TRIM65: variants seen among roughly 807,000 people sequenced by gnomAD.
TRIM65 encodes the protein E3 ubiquitin-protein ligase TRIM65.
Under a neutral mutation model 36.1 loss-of-function variants are expected in TRIM65, and 46 were observed. That is an observed-to-expected ratio of 1.27 (90% CI 1.01 to 1.63). The LOEUF is 1.63. Among genes scored for constraint, TRIM65 ranks in the 40% most tolerant of loss-of-function variants. The pLI, the probability that TRIM65 is intolerant of heterozygous loss-of-function variation, is 0.00. For missense variants in TRIM65, 708 were observed against 696.6 expected (o/e 1.02, Z -0.18); for synonymous variants, 346 against 313.6 (o/e 1.10, Z -1.09).
rs146962670 is a variant in TRIM65 at position 75,890,873 on chromosome 17, G to C, written c.1460C>G (p.Pro487Arg). 4.7e-4 allele frequency: 714 copies of C among 1,529,966 alleles called. 2 individuals carry two copies. The African/African-American group carries it at 8.0e-3, about 17-fold the overall frequency. The allele number at this position is 1,529,966 out of a possible 1,614,324, so 94.8% of individuals were successfully genotyped here. ...FHALFNQPLTPVFWLLEGRTL... is the reference protein window; with the variant it reads ...FHALFNQPLTRVFWLLEGRTL... Reference sequence around the variant, plus strand: ...CCTACCCTCGAGGAGCCAGAAGACGGGGGTGAGGGGCTGGTTGAAGAGGGC... The same window carrying C: ...CCTACCCTCGAGGAGCCAGAAGACGCGGGTGAGGGGCTGGTTGAAGAGGGC... The change falls in exon 6 of 6, where the codon CCC becomes CGC. Residue 487 changes from proline to arginine, a missense_variant. Pro to Arg is a moderately radical substitution (Grantham distance 103). Transcript: ENST00000269383.
Position 75,882,311 on chromosome 17 carries a change from G to A in TRIM65, c.350-1682C>T, listed in dbSNP as rs1382828150. On this transcript the variant is annotated intron_variant, in intron 4 of 4. Coordinates refer to the TRIM65 transcript ENST00000591668. ...CAACCTCCACCTTCTGGGTTCAAGC[G>A]ATTCTCCTGCTTCAGCCTCCCCAGT... 5.3e-5 allele frequency among the ~76,000 whole-genome samples: 8 copies of A among 150,376 alleles called. 1 individual carries two copies. Among genetic ancestry groups the A allele is most frequent in the African/African-American group, 1.0e-4 (4 of 39,772 alleles).
downstream of TRIM65, among the ~76,000 whole-genome samples, chr17:75,884,212 C>A (rs1381842005): frequency 2.0e-5 from 3 of 152,118 alleles, no homozygotes; most frequent in East Asian, 5.8e-4. Context: ...AATCCCAGCA[C>A]TTTGGGAGGC....
At position 75,896,542 on chromosome 17, in the gene TRIM65, G is replaced by T; in HGVS notation, c.396C>A (p.Ala132=). The T allele has an allele frequency of 7.4e-7, 1 of 1,351,564 alleles. No individual in the cohort carries two copies. The allele number at this position is 1,351,564 out of a possible 1,614,324, so 83.7% of individuals were successfully genotyped here. A position where few individuals can be genotyped will look rare whatever the true frequency, so the allele number is the denominator to read the frequency against. Residue 132 remains alanine, a synonymous_variant, in exon 1 of 6, where the codon GCC becomes GCA. Transcript: ENST00000269383. ...CRLHERALLD[A]ERLKREAQLR... is the part of the protein sequence containing the mutation. ...GCGTCACCTCGCGCTTGAGGCGCTCGGCATCCAGCAGCGCCCGCTCGTGGA... is the reference window on the plus strand; with the variant it reads ...GCGTCACCTCGCGCTTGAGGCGCTCTGCATCCAGCAGCGCCCGCTCGTGGA...
At chr17:75,887,894 G>A (rs1261932358), downstream of TRIM65, among the ~76,000 whole-genome samples, 3 of 152,114 alleles carry the variant, frequency 2.0e-5, no homozygotes, top group African/African-American at 7.2e-5. Context: ...GGTGGCTCAC[G>A]CCTGTAATCC....
chr17:75,892,029 C>T lies in TRIM65; in HGVS notation c.901G>A (p.Val301Met), dbSNP rs1391452504. The T allele has an allele frequency of 2.6e-6, 4 of 1,550,584 alleles. No individual in the cohort carries two copies. The highest frequency in any genetic ancestry group is 2.4e-5 in the East Asian group (1 of 40,928). The change falls in exon 4 of 6, where the codon GTG becomes ATG. Residue 301 changes from valine (V) to methionine (M), a missense_variant. Transcript: ENST00000269383. ...GTCTTACCCACGGGGGCTAAGTCCACAGGCTTGGCTGGTGCCCCAGGGTGG... is the reference window on the plus strand; with the variant it reads ...GTCTTACCCACGGGGGCTAAGTCCATAGGCTTGGCTGGTGCCCCAGGGTGG... Reference protein sequence around the residue: ...GSHPGAPAKPVDLAPVEAPGP... With the variant: ...GSHPGAPAKPMDLAPVEAPGP...
rs759913644 is a variant in TRIM65, at chr17:75,892,873, A to T, written c.415-23T>A. 1.9e-6 allele frequency: 3 copies of T among 1,595,110 alleles called. No homozygotes were observed. The South Asian group carries it at 3.3e-5, about 18-fold the overall frequency. On this transcript the variant is annotated intron_variant, in intron 1 of 5. Transcript: ENST00000269383. ...GGCCTGTGGTGCGGGCCCACGGGAC[A>T]AGCAACAAGAGAAGGCCAGGATTGG... is the stretch of plus-strand genomic sequence containing the variant.
At chr17:75,893,217 TCAGGAG>T (rs1599461572) in intron 1 of TRIM65, among the ~76,000 whole-genome samples, 1 of 152,284 alleles carries the variant, frequency 6.6e-6, no homozygotes, top group East Asian at 1.9e-4. Context: ...TAATGCTGGC[TCAGGAG>T]GCCTCGCAGG....
chr17:75,889,636 G>C lies in TRIM65; in HGVS notation c.*1143C>G, dbSNP rs1477180344. On this transcript the variant is annotated 3_prime_UTR_variant, in exon 6 of 6. Transcript: ENST00000269383. Reference sequence around the variant, plus strand: ...CTGCCAGTGTCACGTGCTGCTTAGTGACAGGGTTGAGGGGCCTTAGTCGGC... The same window carrying C: ...CTGCCAGTGTCACGTGCTGCTTAGTCACAGGGTTGAGGGGCCTTAGTCGGC... 6.6e-6 allele frequency: 1 copy of C among 152,154 alleles called. No individual in the cohort carries two copies. The highest frequency in any genetic ancestry group is 1.5e-5 in the Non-Finnish European group (1 of 68,034). 9.4% of individuals were successfully genotyped at this position (152,154 alleles called of 1,614,324 possible).
rs140138977 is a variant in TRIM65 at position 75,892,391 on chromosome 17, G to A, written c.620C>T (p.Thr207Met). 52 of 1,613,876 alleles carry A rather than the reference G, an allele frequency of 3.2e-5. No individual in the cohort carries two copies. The highest frequency in any genetic ancestry group is 9.9e-5 in the South Asian group (9 of 91,088). ...TALRSIEVAK[T>M]QALAQARDEE... ...GTCTCGAGCCTGTGCCAGCGCCTGC[G>A]TCTTGGCCACCTCGATGCTCCTCAG... The change falls in exon 3 of 6, where the codon ACG (threonine) becomes ATG (methionine). Residue 207 changes from threonine to methionine, a missense_variant. Physicochemically the swap from Thr to Met is moderately conservative, Grantham distance 81 (BLOSUM62 -1). Coordinates refer to ENST00000269383, the MANE Select transcript of TRIM65 (RefSeq NM_173547.4).
Position 75,891,850 on chromosome 17 carries a change from T to TG in TRIM65, c.947dup (p.Ser317LysfsTer20), listed in dbSNP as rs1459988765. 7.4e-6 allele frequency: 12 copies of TG among 1,612,846 alleles called. No individual in the cohort carries two copies. Among genetic ancestry groups the TG allele is most frequent in the Non-Finnish European group, 1.0e-5 (12 of 1,179,374 alleles). On this transcript the variant is annotated frameshift_variant, in exon 5 of 6. Coordinates refer to ENST00000269383, the MANE Select transcript of TRIM65 (RefSeq NM_173547.4). LOFTEE classifies it low-confidence loss of function (END_TRUNC). Reference sequence around the variant, plus strand: ...TCCTCCTCAGTGGACAAACTGTGCTTGGGACCGGTGCCAGGGGACCTGGGG... The same window carrying TG: ...TCCTCCTCAGTGGACAAACTGTGCTTGGGGACCGGTGCCAGGGGACCTGGGG...
rs779705680 is a variant in TRIM65 at position 75,892,478 on chromosome 17, G to C, written c.533C>G (p.Ser178Cys). ...GCTGCTGAACTTGCCGGAGACCCAG[G>C]AGGCCAAGATGCAGGCCGAGTTCTG... Reference protein sequence around the residue: ...QIQNSACILASWVSGKFSSLL... With the variant: ...QIQNSACILACWVSGKFSSLL... The change falls in exon 3 of 6, where the codon TCC becomes TGC. Residue 178 changes from serine (S) to cysteine (C), a missense_variant. By Grantham distance (112) the Ser-to-Cys change is moderately radical. Coordinates refer to ENST00000269383, the MANE Select transcript of TRIM65 (RefSeq NM_173547.4). 1.2e-6 allele frequency: 2 copies of C among 1,614,032 alleles called. No individual in the cohort carries two copies. The highest frequency in any genetic ancestry group is 8.5e-7 in the Non-Finnish European group (1 of 1,179,958).
chr17:75,888,164 T>TATAA (rs61543613), downstream of TRIM65, among the ~76,000 whole-genome samples: 5,395 of 136,954 alleles, frequency 0.039, 151 homozygotes, highest in African/African-American at 0.081. Flanking sequence ...TCAAAAAATA[T>TATAA]ATAAATAAAT....
chr17:75,890,619 G>C lies in TRIM65; in HGVS notation c.*160C>G, dbSNP rs1003273554. 27 of 610,686 alleles carry C rather than the reference G, an allele frequency of 4.4e-5. No individual in the cohort carries two copies. The highest frequency in any genetic ancestry group is 7.3e-5 in the Non-Finnish European group (27 of 371,524). The allele number at this position is 610,686 out of a possible 1,614,324, so 37.8% of individuals were successfully genotyped here. On this transcript the variant is annotated 3_prime_UTR_variant, in exon 6 of 6. Coordinates refer to ENST00000269383, the MANE Select transcript of TRIM65 (RefSeq NM_173547.4). ...TGTCCCCTTCAAAAAGGCTGCAACAGTGAACTCTGCGTTTATGCTCACCTC... is the reference window on the plus strand; with the variant it reads ...TGTCCCCTTCAAAAAGGCTGCAACACTGAACTCTGCGTTTATGCTCACCTC...
In TRIM65 at chr17:75,891,027, G is replaced by C; in HGVS notation, c.1306C>G (p.His436Asp). The change falls in exon 6 of 6, where the codon CAC (histidine) becomes GAC (aspartate). Residue 436 changes from histidine (H) to aspartate (D), a missense_variant. Physicochemically the swap from His to Asp is moderately conservative, Grantham distance 81 (BLOSUM62 -1). Coordinates refer to ENST00000269383, the MANE Select transcript of TRIM65 (RefSeq NM_173547.4). ...GGGAGGCGCTGGGCTTCCCCGTTGTGCCAGGCCTGGAGGCTGTCCTCCTGG... is the reference window on the plus strand; with the variant it reads ...GGGAGGCGCTGGGCTTCCCCGTTGTCCCAGGCCTGGAGGCTGTCCTCCTGG... ...CVQEDSLQAW[H>D]NGEAQRLPGV... The C allele has an allele frequency of 6.2e-7, 1 of 1,610,056 alleles. No homozygotes were observed. Among genetic ancestry groups the C allele is most frequent in the East Asian group, 2.2e-5 (1 of 44,684 alleles).
chr17:75,892,977 T>C, intron 1 of TRIM65, 127 bp from the exon 2 acceptor site: 1 of 774,274 alleles, frequency 1.3e-6, no homozygotes. Context: ...CAGGCCAGCC[T>C]CCAGAGCACC....
At chr17:75,888,144 A>C (rs1241145705), downstream of TRIM65, among the ~76,000 whole-genome samples, 1 of 151,150 alleles carries the variant, frequency 6.6e-6, no homozygotes, top group Non-Finnish European at 1.5e-5. Flanking sequence ...CAACAGAGTG[A>C]GACTCTGTCT....
rs759014791 is a variant in TRIM65, at chr17:75,891,238, G to A, written c.1095C>T (p.Pro365=). 1.6e-5 allele frequency: 26 copies of A among 1,612,708 alleles called. No individual in the cohort carries two copies. Among genetic ancestry groups the A allele is most frequent in the Admixed American group, 1.2e-4 (7 of 59,994 alleles). ...HCRQSRGPGG[P]GSFELWQVQC... is the part of the protein sequence containing the mutation. ...GCACCTGCCAGAGCTCAAAGCTGCC[G>A]GGCCCGCCTGGGCCCCGGGACTGAC... The change falls in exon 6 of 6, where the codon CCC becomes CCT. Residue 365 remains proline, a synonymous_variant. Coordinates refer to ENST00000269383, the MANE Select transcript of TRIM65 (RefSeq NM_173547.4).
downstream of TRIM65, among the ~76,000 whole-genome samples, chr17:75,888,549 G>T (rs772648341): frequency 6.6e-6 from 1 of 152,200 alleles, no homozygotes; most frequent in East Asian, 1.9e-4. Flanking sequence ...TCAGCCCGTT[G>T]GGTGCTTCTG....
chr17:75,889,056 CCTTT>C lies in TRIM65; in HGVS notation c.*1719_*1722del, dbSNP rs1354991940. 3 of 151,372 alleles carry C rather than the reference CCTTT, an allele frequency of 2.0e-5. No homozygotes were observed. Among genetic ancestry groups the C allele is most frequent in the Non-Finnish European group, 2.9e-5 (2 of 67,890 alleles). The allele number at this position is 151,372 out of a possible 1,614,324, so 9.4% of individuals were successfully genotyped here. ...AAGTTACAAAAAGCAGACAGCCCTC[CCTTT>C]TTTTTTTTTTTTTTGAGACAGAGTC... On this transcript the variant is annotated 3_prime_UTR_variant, in exon 6 of 6. Transcript: ENST00000269383.
Sources: allele counts gnomAD v4.1 joint callset (sites outside exome capture counted in the v4.1 genomes callset), GRCh38; gene constraint gnomAD v4.1.1; transcripts MANE v1.5; gene names NCBI Gene and HGNC (gene_info 2026-07-23, HGNC 2026-07-21).